Variants in INSYN2B observed in about 807,000 individuals in gnomAD.
INSYN2B encodes inhibitory synaptic factor family member 2B, also known as protein INSYN2B.
Under a neutral mutation model 41.2 loss-of-function variants are expected in INSYN2B, and 16 were observed. That is an observed-to-expected ratio of 0.39 (90% CI 0.26 to 0.59). The LOEUF (loss-of-function observed/expected upper bound fraction) is 0.59, where lower values mean the gene tolerates loss of function less well. Ranked by LOEUF, INSYN2B falls within the 20% of genes least tolerant of loss-of-function variation. INSYN2B has a pLI of 0.57. For missense variants in INSYN2B, 608 were observed against 646.4 expected (o/e 0.94, Z 0.64); for synonymous variants, 245 against 244.4 (o/e 1.00, Z -0.02).
intron 1 of INSYN2B, among the ~76,000 whole-genome samples, chr5:169,978,107 G>A (rs1341923136): frequency 2.0e-5 from 3 of 151,970 alleles, no homozygotes; most frequent in South Asian, 4.2e-4. Context: ...TATTTTGGTC[G>A]TGCGCATTAT....
intron 1 of INSYN2B, among the ~76,000 whole-genome samples, chr5:169,944,961 G>T (rs1326306913): frequency 6.6e-6 from 1 of 152,104 alleles, no homozygotes; most frequent in Non-Finnish European, 1.5e-5. Flanking sequence ...AATCCTCTCT[G>T]GGGTCTATCC....
At position 169,883,728 on chromosome 5, in the gene INSYN2B, T is replaced by G. The variant is rs544181902; in HGVS notation, c.171A>C (p.Gln57His). The stretch of plus-strand genomic sequence containing the variant: ...CCATCACAGCCGGGTCTTCTGGAGT[T>G]TGGACGTCAACCTCAGCTAGGCCAG... ...NPTGLAEVDV[Q>H]TPEDPAVMGK... Residue 57 changes from glutamine (Q) to histidine (H), a missense_variant, in exon 2 of 4, where the codon CAA becomes CAC. Physicochemically the swap from Gln to His is conservative, Grantham distance 24. Coordinates refer to ENST00000377365, the MANE Select transcript of INSYN2B (RefSeq NM_001129891.3). 6.4e-6 allele frequency: 10 copies of G among 1,551,448 alleles called. No homozygotes were observed. In the Middle Eastern group the frequency reaches 1.2e-3, roughly 181 times the overall value.
intron 3 of INSYN2B, among the ~76,000 whole-genome samples, chr5:169,865,989 C>T (rs1272043086): frequency 6.6e-6 from 1 of 152,120 alleles, no homozygotes; most frequent in Non-Finnish European, 1.5e-5. Context: ...TGCCTCGTCC[C>T]TGAGCATTCT....
At chr5:169,978,273 C>G (rs115205071) in intron 1 of INSYN2B, among the ~76,000 whole-genome samples, 1 of 151,602 alleles carries the variant, frequency 6.6e-6, no homozygotes, top group Non-Finnish European at 1.5e-5. Context: ...AGGCAGCACC[C>G]ATGCCCCTCG....
At chr5:169,908,125 A>G (rs261001) in intron 1 of INSYN2B, among the ~76,000 whole-genome samples, 65,812 of 151,884 alleles carry the variant, frequency 0.43, 14,678 homozygotes, top group East Asian at 0.56. Context: ...CTGCAGCCCC[A>G]TTTCAGTTAA....
intron 1 of INSYN2B, among the ~76,000 whole-genome samples, chr5:169,905,724 C>T (rs1017219513): frequency 4.6e-5 from 7 of 152,164 alleles, no homozygotes; most frequent in Admixed American, 1.3e-4. Context: ...TAAATGGCAG[C>T]GTCTGCACCC....
rs1449428573 is a variant in INSYN2B, at chr5:169,905,165, GAC to G, written c.-918-20351_-918-20350del. On this transcript the variant is annotated intron_variant, in intron 1 of 3. Coordinates refer to ENST00000377365, the MANE Select transcript of INSYN2B (RefSeq NM_001129891.3). ...TTGCAAACTCACATGGCTTCAGGGT[GAC>G]ACAAGTGGGTGAAGCCAGCTGGGAG... Among the ~76,000 whole-genome samples the G allele has an allele frequency of 5.3e-5, 8 of 152,286 alleles. No individual in the cohort carries two copies. The East Asian group carries it at 1.5e-3, about 29-fold the overall frequency.
chr5:169,876,636 G>T (rs1772352454), intron 3 of INSYN2B, among the ~76,000 whole-genome samples: 1 of 152,182 alleles, frequency 6.6e-6, no homozygotes, highest in Non-Finnish European at 1.5e-5. Context: ...AAAGTATGTG[G>T]CATTCCAGTT....
chr5:169,934,891 G>T, intron 1 of INSYN2B: 2 of 353,172 alleles, frequency 5.7e-6, no homozygotes, highest in Non-Finnish European at 1.1e-5. Flanking sequence ...CCTTACACTT[G>T]ATATTTATTC....
chr5:169,942,920 C>T (rs1406106972), intron 1 of INSYN2B, among the ~76,000 whole-genome samples: 4 of 152,226 alleles, frequency 2.6e-5, no homozygotes, highest in Admixed American at 2.6e-4. Context: ...ACAATAATCC[C>T]TTCACAATGT....
Position 169,929,761 on chromosome 5 carries a change from AAGAG to A in INSYN2B, c.-918-44949_-918-44946del, listed in dbSNP as rs1254868385. ...TGTCTCAAAAAAAAAAAAAAAAAAA[AAGAG>A]AGAGAGAGAAAGAAGCTATCCTGCT... On this transcript the variant is annotated intron_variant, in intron 1 of 3. Transcript: ENST00000377365. Among the ~76,000 whole-genome samples, 4 of 149,616 alleles carry A rather than the reference AAGAG, an allele frequency of 2.7e-5. No homozygotes were observed. In the South Asian group the frequency reaches 8.4e-4, roughly 31 times the overall value.
intron 3 of INSYN2B, among the ~76,000 whole-genome samples, chr5:169,876,418 C>T (rs1176715377): frequency 6.6e-6 from 1 of 152,202 alleles, no homozygotes; most frequent in Non-Finnish European, 1.5e-5. Context: ...AAAGAGATCA[C>T]TGGGACAATT....
At chr5:169,881,583 C>T (rs1772655981) in intron 2 of INSYN2B, 141 bp from the exon 3 acceptor site, 1 of 659,102 alleles carries the variant, frequency 1.5e-6, no homozygotes, top group Non-Finnish European at 2.8e-6. Flanking sequence ...AATAAGGAAA[C>T]AAGAATGTCA....
chr5:169,934,280 C>T (rs1446569674), intron 1 of INSYN2B, among the ~76,000 whole-genome samples: 5 of 152,114 alleles, frequency 3.3e-5, no homozygotes, highest in East Asian at 1.9e-4. Flanking sequence ...TGTATTTACC[C>T]GGGAAGACTT....
At chr5:169,868,758 C>T (rs1456726985) in intron 3 of INSYN2B, among the ~76,000 whole-genome samples, 2 of 152,096 alleles carry the variant, frequency 1.3e-5, no homozygotes, top group African/African-American at 4.8e-5. Flanking sequence ...TTGTCCCCAT[C>T]TCAAAAAGAA....
chr5:169,866,929 G>A (rs1308793297), intron 3 of INSYN2B, among the ~76,000 whole-genome samples: 1 of 152,188 alleles, frequency 6.6e-6, no homozygotes, highest in Non-Finnish European at 1.5e-5. Context: ...CCCAGAGATA[G>A]CATCAGATTC....
chr5:169,901,235 G>A (rs1355862512), intron 1 of INSYN2B, among the ~76,000 whole-genome samples: 1 of 152,192 alleles, frequency 6.6e-6, no homozygotes, highest in Non-Finnish European at 1.5e-5. Flanking sequence ...CACTGGCTCT[G>A]ATGCAAGAAA....
chr5:169,894,949 C>T (rs563269799), intron 1 of INSYN2B, among the ~76,000 whole-genome samples: 27 of 152,290 alleles, frequency 1.8e-4, no homozygotes, highest in African/African-American at 2.4e-4. Context: ...TGTGGCCCCC[C>T]GTGAGGTCTG....
chr5:169,938,772 C>G (rs974240786), intron 1 of INSYN2B, among the ~76,000 whole-genome samples: 3 of 152,142 alleles, frequency 2.0e-5, no homozygotes, highest in African/African-American at 7.2e-5. Context: ...TGTAACTTTA[C>G]AAACTTTTCA....
Sources: gnomAD v4.1 joint callset for allele counts (sites outside exome capture counted in the v4.1 genomes callset) on GRCh38, gnomAD v4.1.1 for gene constraint, MANE v1.5 for transcripts, NCBI Gene and HGNC (gene_info 2026-07-23, HGNC 2026-07-21) for gene names.